The following GABRA3 variants were observed in gnomAD, a reference collection of about 807,000 sequenced individuals.
GABRA3 encodes gamma-aminobutyric acid receptor subunit alpha-3.
A neutral mutation model predicts 30.1 loss-of-function variants in GABRA3; 10 were observed. The observed-to-expected ratio is 0.33, with a 90% CI of 0.20 to 0.56. The LOEUF (loss-of-function observed/expected upper bound fraction) is 0.56. GABRA3 is among the 20% of genes least tolerant of loss of function. The pLI is 0.89. For synonymous variants in GABRA3, 151 were observed against 146.8 expected (o/e 1.03, Z -0.21); for missense variants, 233 against 392.0 (o/e 0.59, Z 3.42).
chrX:152,336,311 C>G (rs962378784), intron 3 of GABRA3, among the ~76,000 whole-genome samples: 3 of 111,687 alleles, frequency 2.7e-5, no homozygotes, highest in African/African-American at 9.8e-5. Context: ...CCTGCTTCAG[C>G]TCACAATGGC....
chrX:152,228,593 T>C (rs1938009298), intron 5 of GABRA3, among the ~76,000 whole-genome samples: 1 of 111,771 alleles, frequency 8.9e-6, no homozygotes, highest in African/African-American at 3.2e-5. Context: ...TATTAAACTC[T>C]CATGGAATCT....
rs145589541 is a variant in GABRA3 at position 152,340,276 on chromosome X, C to A, written c.262+5305G>T. Among the ~76,000 whole-genome samples, 85 of 112,274 alleles carry A rather than the reference C, an allele frequency of 7.6e-4. No individual in the cohort carries two copies. In the East Asian group the frequency reaches 0.023, roughly 30 times the overall value. On this transcript the variant is annotated intron_variant, in intron 3 of 9. Transcript: ENST00000370314. Reference sequence around the variant, plus strand: ...TACAAAACTGTTCAATGGCATATTTCCACTTCTTTGTGATTTCATTGACAT... The same window carrying A: ...TACAAAACTGTTCAATGGCATATTTACACTTCTTTGTGATTTCATTGACAT...
chrX:152,327,677 G>C (rs1007302932), intron 3 of GABRA3, among the ~76,000 whole-genome samples: 1 of 111,775 alleles, frequency 8.9e-6, no homozygotes, highest in African/African-American at 3.3e-5. Flanking sequence ...CAACATACCA[G>C]AATCTCTGGG....
At chrX:152,391,277 G>T (rs910661644) in intron 1 of GABRA3, among the ~76,000 whole-genome samples, 1 of 111,684 alleles carries the variant, frequency 9.0e-6, no homozygotes, top group Non-Finnish European at 1.9e-5. Flanking sequence ...GTGTATGAGC[G>T]AAAGTCTATA....
At chrX:152,201,282 T>G (rs1000672318) in intron 7 of GABRA3, among the ~76,000 whole-genome samples, 2 of 111,985 alleles carry the variant, frequency 1.8e-5, no homozygotes, top group Non-Finnish European at 3.8e-5. Context: ...CCATCCCACC[T>G]CCACCCTTTT....
intron 1 of GABRA3, among the ~76,000 whole-genome samples, chrX:152,395,573 C>T (rs1929638860): frequency 8.9e-6 from 1 of 111,733 alleles, no homozygotes; most frequent in African/African-American, 3.2e-5. Flanking sequence ...TGCAAAATGA[C>T]ACCTCATGCC....
chrX:152,238,976 C>T (rs560351792), intron 5 of GABRA3, among the ~76,000 whole-genome samples: 9 of 110,467 alleles, frequency 8.1e-5, no homozygotes, highest in South Asian at 3.8e-4. Flanking sequence ...TGAAGGGTTT[C>T]TTGTGTCTCT....
chrX:152,380,079 A>G (rs1316866137), intron 1 of GABRA3, among the ~76,000 whole-genome samples: 3 of 111,846 alleles, frequency 2.7e-5, no homozygotes, highest in Non-Finnish European at 5.6e-5. Flanking sequence ...TAACATATCG[A>G]TCACTTTTCT....
At chrX:152,368,965 A>G (rs760404884) in intron 1 of GABRA3, among the ~76,000 whole-genome samples, 1 of 111,381 alleles carries the variant, frequency 9.0e-6, no homozygotes, top group East Asian at 2.8e-4. Flanking sequence ...TCGGCCTCCC[A>G]AAGTGCTGGG....
rs778223866 is a variant in GABRA3 at position 152,347,926 on chromosome X, G to T, written c.141-2224C>A. Reference sequence around the variant, plus strand: ...AGGCTGAGGTTGGAGGATTACTTGAGCCTGGGAAGCGGAGGTTGCAGTGAG... The same window carrying T: ...AGGCTGAGGTTGGAGGATTACTTGATCCTGGGAAGCGGAGGTTGCAGTGAG... On this transcript the variant is annotated intron_variant, in intron 2 of 9. Transcript: ENST00000370314. 3.6e-5 allele frequency among the ~76,000 whole-genome samples: 4 copies of T among 111,706 alleles called. No individual in the cohort carries two copies. In the South Asian group the frequency reaches 1.5e-3, roughly 42 times the overall value.
chrX:152,223,920 CAA>C (rs1603215792), intron 6 of GABRA3, among the ~76,000 whole-genome samples: 2 of 111,092 alleles, frequency 1.8e-5, no homozygotes, highest in African/African-American at 6.5e-5. Flanking sequence ...AATATAGCTC[CAA>C]AAGAGCAAGG....
chrX:152,306,473 T>A (rs1273536399), intron 3 of GABRA3, among the ~76,000 whole-genome samples: 1 of 111,988 alleles, frequency 8.9e-6, no homozygotes, highest in African/African-American at 3.2e-5. Context: ...GCCTCTGAAG[T>A]CTCCAGTAAA....
intron 1 of GABRA3, among the ~76,000 whole-genome samples, chrX:152,393,840 T>C (rs1347500544): frequency 1.8e-5 from 2 of 111,587 alleles, no homozygotes; most frequent in African/African-American, 3.3e-5. Context: ...CAGAAAACGA[T>C]AGTGCAGTAG....
chrX:152,395,488 C>A (rs1314115684), intron 1 of GABRA3, among the ~76,000 whole-genome samples: 2 of 111,066 alleles, frequency 1.8e-5, no homozygotes, highest in Admixed American at 9.6e-5. Context: ...GGAGTGGTAT[C>A]CATTCAGACG....
intron 5 of GABRA3, among the ~76,000 whole-genome samples, chrX:152,251,874 A>T (rs778779156): frequency 1.8e-5 from 2 of 110,648 alleles, no homozygotes; most frequent in South Asian, 7.7e-4. Context: ...CTTCATTTCA[A>T]CATTTATATA....
chrX:152,317,275 C>T (rs1466610762), intron 3 of GABRA3, among the ~76,000 whole-genome samples: 1 of 111,332 alleles, frequency 9.0e-6, no homozygotes. Flanking sequence ...ATGTCACAAA[C>T]CTAAATATAT....
intron 3 of GABRA3, among the ~76,000 whole-genome samples, chrX:152,322,875 A>G (rs750958899): frequency 1.3e-3 from 73 of 57,272 alleles, no homozygotes; most frequent in African/African-American, 5.3e-3. Flanking sequence ...TTTTTTTGAG[A>G]CAAAGTCTTG....
chrX:152,385,152 C>T (rs993165603), intron 1 of GABRA3, among the ~76,000 whole-genome samples: 5 of 111,780 alleles, frequency 4.5e-5, no homozygotes, highest in African/African-American at 1.6e-4. Context: ...AGATCTCTTA[C>T]ACTTCAGGTA....
chrX:152,436,428 C>T (rs1392348952), intron 1 of GABRA3, among the ~76,000 whole-genome samples: 2 of 111,484 alleles, frequency 1.8e-5, no homozygotes, highest in Non-Finnish European at 3.8e-5. Flanking sequence ...TTTGTGGTAA[C>T]CAAAAATGTC....
Sources: allele counts gnomAD v4.1 joint callset (sites outside exome capture counted in the v4.1 genomes callset), GRCh38; gene constraint gnomAD v4.1.1; transcripts MANE v1.5; gene names NCBI Gene and HGNC (gene_info 2026-07-23, HGNC 2026-07-21).